SPHK2: variants seen among roughly 807,000 people sequenced by gnomAD.
SPHK2 encodes sphingosine kinase 2.
SPHK2 carries 18 observed loss-of-function variants against 32.3 expected under a neutral mutation model. The observed-to-expected ratio is 0.56, with a 90% CI of 0.39 to 0.83. The LOEUF is 0.83. SPHK2 is among the 40% of genes least tolerant of loss of function. The probability of loss-of-function intolerance (pLI) is 0.00; values close to 1 mark genes in which losing one functional copy is unlikely to be tolerated. For synonymous variants in SPHK2, 462 were observed against 417.6 expected (o/e 1.11, Z -1.30); for missense variants, 850 against 908.7 (o/e 0.94, Z 0.83).
chr19:48,623,821 G>C (rs1362620548), intron 2 of SPHK2: 1 of 152,246 alleles, frequency 6.6e-6, no homozygotes, highest in Non-Finnish European at 1.5e-5. Context: ...TCCTTACCTT[G>C]CACATTCTCA....
At chr19:48,623,417 CTTGTCTCCTAATGCATA>C (rs1428438029) in intron 2 of SPHK2, 1 of 152,214 alleles carries the variant, frequency 6.6e-6, no homozygotes, top group Non-Finnish European at 1.5e-5. Flanking sequence ...GAGCTCTGTC[CTTGTCTCCTAATGCATA>C]TCTCTTTCTC....
rs759889365 is a variant in SPHK2, at chr19:48,626,236, C to T, written c.385C>T (p.Arg129Cys). ...CCCTCGGGGCCGGCGCGGGGCCCGG[C>T]GCAGAGCCACTCGCACCTTCCGGGC... ...TYPRGRRGARRRATRTFRADG... is the reference protein window; with the variant it reads ...TYPRGRRGARCRATRTFRADG... Residue 129 changes from arginine (R) to cysteine (C), a missense_variant, in exon 3 of 7, where the codon CGC (arginine) becomes TGC (cysteine). Around this residue, in one of 2 missense-constraint regions of SPHK2, gnomAD observed 544 missense variants for 640.0 expected, o/e 0.85. Coordinates refer to ENST00000245222, the MANE Select transcript of SPHK2 (RefSeq NM_020126.5). 8.1e-6 allele frequency: 13 copies of T among 1,595,752 alleles called. No homozygotes were observed. The highest frequency in any genetic ancestry group is 5.5e-5 in the South Asian group (5 of 90,380).
Position 48,629,276 on chromosome 19 carries a change from G to T in SPHK2, c.1468G>T (p.Ala490Ser). The T allele has an allele frequency of 1.2e-6, 2 of 1,613,562 alleles. No homozygotes were observed. Residue 490 changes from alanine to serine, a missense_variant, in exon 7 of 7, where the codon GCC becomes TCC. Transcript: ENST00000245222. The stretch of plus-strand genomic sequence containing the variant: ...TCTACACTCACCCGTCTCCGAAGGG[G>T]CCCCCGTAATTCCCCCATCCTCTGG... ...AALHSPVSEGAPVIPPSSGLP... is the reference protein window; with the variant it reads ...AALHSPVSEGSPVIPPSSGLP...
Position 48,628,481 on chromosome 19 carries a change from C to G in SPHK2, c.873-200C>G. The G allele has an allele frequency of 1.1e-6, 1 of 894,594 alleles. No homozygotes were observed. Among genetic ancestry groups the G allele is most frequent in the South Asian group, 1.3e-5 (1 of 76,188 alleles). The allele number at this position is 894,594 out of a possible 1,614,324, so 55.4% of individuals were successfully genotyped here. A position where few individuals can be genotyped will look rare whatever the true frequency, so the allele number is the denominator to read the frequency against. On this transcript the variant is annotated intron_variant, in intron 6 of 6. Transcript: ENST00000245222. This position sits in a 1 kb window ranked among gnomAD's most constrained non-coding sequence, Gnocchi z 5.2. The stretch of plus-strand genomic sequence containing the variant: ...AGAACTCTGCCTGGCATGGGAGGCA[C>G]TCAGTGAATTGTAGGGAGCAAATGA...
chr19:48,626,024 A>C lies in SPHK2; in HGVS notation c.173A>C (p.Tyr58Ser). The change falls in exon 3 of 7, where the codon TAC becomes TCC. Residue 58 changes from tyrosine (Y) to serine (S), a missense_variant. Physicochemically the swap from Tyr to Ser is moderately radical, Grantham distance 144. Coordinates refer to ENST00000245222, the MANE Select transcript of SPHK2 (RefSeq NM_020126.5). ...CTCCTCCATGGCGAGTTTGGCTCCT[A>C]CCCAGCCCGAGGCCCACGCTTTGCC... ...TPLLHGEFGS[Y>S]PARGPRFALT... 6.2e-7 allele frequency: 1 copy of C among 1,613,416 alleles called. No homozygotes were observed. Among genetic ancestry groups the C allele is most frequent in the Non-Finnish European group, 8.5e-7 (1 of 1,179,884 alleles).
chr19:48,625,883 TC>T lies in SPHK2; in HGVS notation c.40-5del. The T allele has an allele frequency of 6.2e-7, 1 of 1,610,694 alleles. No individual in the cohort carries two copies. ...AATTCTCACCCCTTCTCTCCTCCCT[TC>T]CCACAGAGGCCAGACCAGGAGCTGA... On this transcript the variant is annotated splice_polypyrimidine_tract_variant and splice_region_variant and intron_variant, in intron 2 of 6. Transcript: ENST00000245222.
intron 2 of SPHK2, 98 bp from the exon 3 acceptor site, chr19:48,625,793 C>G: frequency 6.5e-7 from 1 of 1,539,724 alleles, no homozygotes; most frequent in Non-Finnish European, 8.7e-7. Context: ...TCACCTGCCA[C>G]TGCCCCTCAT....
chr19:48,624,895 C>A (rs1478748987), intron 2 of SPHK2: 3 of 980,642 alleles, frequency 3.1e-6, no homozygotes, highest in Non-Finnish European at 3.6e-6. Context: ...GCTGTCCTGG[C>A]GCTCTGGGCC....
Position 48,629,336 on chromosome 19 carries a change from G to C in SPHK2, c.1528G>C (p.Ala510Pro). 1 of 1,613,030 alleles carries C rather than the reference G, an allele frequency of 6.2e-7. No individual in the cohort carries two copies. Among genetic ancestry groups the C allele is most frequent in the Non-Finnish European group, 8.5e-7 (1 of 1,179,898 alleles). The change falls in exon 7 of 7, where the codon GCC becomes CCC. Residue 510 changes from alanine to proline, a missense_variant. Ala to Pro is a conservative substitution (Grantham distance 27). Around this residue, in one of 2 missense-constraint regions of SPHK2, gnomAD observed 306 missense variants for 268.6 expected, o/e 1.14. Coordinates refer to ENST00000245222, the MANE Select transcript of SPHK2 (RefSeq NM_020126.5). The stretch of plus-strand genomic sequence containing the variant: ...TCCCACCCCTGATGCCCGGGTAGGG[G>C]CCTCCACCTGCGGCCCGCCCGACCA... Reference protein sequence around the residue: ...PLPTPDARVGASTCGPPDHLL... With the variant: ...PLPTPDARVGPSTCGPPDHLL...
rs763210125 is a variant in SPHK2, at chr19:48,628,382, C to G, written c.872+105C>G. 1 of 1,161,126 alleles carries G rather than the reference C, an allele frequency of 8.6e-7. No individual in the cohort carries two copies. Among genetic ancestry groups the G allele is most frequent in the South Asian group, 1.2e-5 (1 of 81,774 alleles). 71.9% of individuals were successfully genotyped at this position (1,161,126 alleles called of 1,614,324 possible). A position where few individuals can be genotyped will look rare whatever the true frequency, so the allele number is the denominator to read the frequency against. Reference sequence around the variant, plus strand: ...CCCACAGTCAGTCAAGTAAATCAGCCTGCCTGTGGGATGCTCACCCCCAGC... The same window carrying G: ...CCCACAGTCAGTCAAGTAAATCAGCGTGCCTGTGGGATGCTCACCCCCAGC... On this transcript the variant is annotated intron_variant, in intron 6 of 6. Coordinates refer to ENST00000245222, the MANE Select transcript of SPHK2 (RefSeq NM_020126.5). The surrounding 1 kb of genome is among the most constrained non-coding windows in gnomAD (Gnocchi z 5.2).
intron 2 of SPHK2, among the ~76,000 whole-genome samples, chr19:48,622,267 A>C (rs568240982): frequency 1.4e-5 from 2 of 146,450 alleles, no homozygotes; most frequent in Non-Finnish European, 3.0e-5. Context: ...TCAAAAAAAA[A>C]AAAAATAAAA....
At chr19:48,620,615 CT>C in intron 2 of SPHK2, 62 bp downstream of exon 2, 16 of 857,556 alleles carry the variant, frequency 1.9e-5, no homozygotes, top group Admixed American at 6.2e-5. Flanking sequence ...TGAAGCTTTT[CT>C]TTAAAAAAAA....
chr19:48,630,230 C>G lies in SPHK2; in HGVS notation c.*457C>G. ...GCCTCCATTTAGCTGGCCAATCAGC[C>G]CAGGAGGGGCAGGTTCCCCGGGGCC... On this transcript the variant is annotated 3_prime_UTR_variant, in exon 7 of 7. Coordinates refer to ENST00000245222, the MANE Select transcript of SPHK2 (RefSeq NM_020126.5). This position sits in a 1 kb window ranked among gnomAD's most constrained non-coding sequence, Gnocchi z 4.9. 1 of 1,278,330 alleles carries G rather than the reference C, an allele frequency of 7.8e-7. No homozygotes were observed. Among genetic ancestry groups the G allele is most frequent in the Non-Finnish European group, 9.9e-7 (1 of 1,012,842 alleles). 79.2% of individuals were successfully genotyped at this position (1,278,330 alleles called of 1,614,324 possible).
chr19:48,624,831 A>C, intron 2 of SPHK2: 5 of 776,110 alleles, frequency 6.4e-6, no homozygotes, highest in Non-Finnish European at 5.9e-6. Flanking sequence ...CGCTGGGGAT[A>C]GGGGGGCAGA....
At chr19:48,626,458 T>C in intron 3 of SPHK2, 96 bp downstream of exon 3, 1 of 1,392,782 alleles carries the variant, frequency 7.2e-7, no homozygotes, top group Non-Finnish European at 9.4e-7. Flanking sequence ...TCTGTGTGTC[T>C]GGGTGATGTA....
Position 48,629,801 on chromosome 19 carries a change from G to A in SPHK2, c.*28G>A. On this transcript the variant is annotated 3_prime_UTR_variant, in exon 7 of 7. Coordinates refer to ENST00000245222, the MANE Select transcript of SPHK2 (RefSeq NM_020126.5). ...CTAAACAAGCTTGGTACCCGCCGGG[G>A]GCGGGGCCTACATTCCAATGGGGCG... 1 of 1,531,200 alleles carries A rather than the reference G, an allele frequency of 6.5e-7. No homozygotes were observed. The highest frequency in any genetic ancestry group is 8.8e-7 in the Non-Finnish European group (1 of 1,137,690). The allele number at this position is 1,531,200 out of a possible 1,614,324, so 94.9% of individuals were successfully genotyped here.
At position 48,629,355 on chromosome 19, in the gene SPHK2, C is replaced by A. The variant is rs1258969062; in HGVS notation, c.1547C>A (p.Pro516His). ...GTAGGGGCCTCCACCTGCGGCCCGC[C>A]CGACCACCTGCTGCCTCCGCTGGGC... ...ARVGASTCGP[P>H]DHLLPPLGTP... Residue 516 changes from proline to histidine, a missense_variant, in exon 7 of 7, where the codon CCC (proline) becomes CAC (histidine). By Grantham distance (77) the Pro-to-His change is moderately conservative. This residue lies in a region of SPHK2 where 306 missense variants were observed against 268.6 expected (regional missense o/e 1.14). Coordinates refer to ENST00000245222, the MANE Select transcript of SPHK2 (RefSeq NM_020126.5). 14 of 1,612,404 alleles carry A rather than the reference C, an allele frequency of 8.7e-6. No homozygotes were observed. The Admixed American group carries it at 2.3e-4, about 27-fold the overall frequency.
rs779108312 is a variant in SPHK2, at chr19:48,622,757, C to CTTTTTTTTTTTTTTTTTTTTTT, written c.39+2209_39+2230dup. 7.4e-5 allele frequency among the ~76,000 whole-genome samples: 8 copies of CTTTTTTTTTTTTTTTTTTTTTT among 108,546 alleles called. 1 individual carries two copies. Among genetic ancestry groups the CTTTTTTTTTTTTTTTTTTTTTT allele is most frequent in the Non-Finnish European group, 5.7e-5 (3 of 52,200 alleles). The allele number at this position is 108,546 out of a possible 152,430, so 71.2% of individuals were successfully genotyped here. On this transcript the variant is annotated intron_variant, in intron 2 of 6. Coordinates refer to ENST00000245222, the MANE Select transcript of SPHK2 (RefSeq NM_020126.5). ...CAAACTTCTTCCTACATTTGTCTCTCTTTTTTTTTTTTTTTTTTTTTTTTT... is the reference window on the plus strand; with the variant it reads ...CAAACTTCTTCCTACATTTGTCTCTCTTTTTTTTTTTTTTTTTTTTTTTTTTTTTTTTTTTTTTTTTTTTTTT...
Position 48,628,769 on chromosome 19 carries a change from G to A in SPHK2, c.961G>A (p.Val321Met), listed in dbSNP as rs1180730151. 5 of 1,613,218 alleles carry A rather than the reference G, an allele frequency of 3.1e-6. No individual in the cohort carries two copies. Among genetic ancestry groups the A allele is most frequent in the South Asian group, 1.1e-5 (1 of 91,086 alleles). Residue 321 changes from valine to methionine, a missense_variant, in exon 7 of 7, where the codon GTG becomes ATG. Physicochemically the swap from Val to Met is conservative, Grantham distance 21 (BLOSUM62 1). Around this residue, in one of 2 missense-constraint regions of SPHK2, gnomAD observed 544 missense variants for 640.0 expected, o/e 0.85. Transcript: ENST00000245222. This position sits in a 1 kb window ranked among gnomAD's most constrained non-coding sequence, Gnocchi z 5.2. The part of the protein sequence containing the change: ...GGGHPLDLLS[V>M]TLASGSRCFS... ...TGGCCACCCACTGGACCTGCTCTCC[G>A]TGACGCTGGCCTCGGGCTCCCGCTG...
Sources: allele counts gnomAD v4.1 joint callset (sites outside exome capture counted in the v4.1 genomes callset), GRCh38; gene constraint gnomAD v4.1.1; regional missense constraint gnomAD v4.1.1; non-coding constraint Gnocchi (gnomAD v3.1); transcripts MANE v1.5; gene names NCBI Gene and HGNC (gene_info 2026-07-23, HGNC 2026-07-21).